Variants in KIF22 observed in about 807,000 individuals in gnomAD.
KIF22 encodes the protein kinesin family member 22.
Under a neutral mutation model 73.0 loss-of-function variants are expected in KIF22, and 62 were observed. That is an observed-to-expected ratio of 0.85 (90% CI 0.69 to 1.05). KIF22 has a LOEUF of 1.05. KIF22 is among the 50% of genes least tolerant of loss of function. KIF22 has a pLI of 0.00. For synonymous variants in KIF22, 411 were observed against 340.1 expected, an observed-to-expected ratio of 1.21 and a Z score of -2.29; for missense variants, 854 against 870.1, an observed-to-expected ratio of 0.98 and a Z score of 0.23.
intron 1 of KIF22, among the ~76,000 whole-genome samples, chr16:29,794,363 C>T (rs1191374806): frequency 6.6e-6 from 1 of 152,170 alleles, no homozygotes; most frequent in Non-Finnish European, 1.5e-5. Flanking sequence ...CATGAATCAC[C>T]TTAATTACTC....
At position 29,803,449 on chromosome 16, in the gene KIF22, A is replaced by C. The variant is rs1181694524; in HGVS notation, c.1450A>C (p.Arg484=). 1.2e-6 allele frequency: 2 copies of C among 1,613,872 alleles called. No individual in the cohort carries two copies. The highest frequency in any genetic ancestry group is 1.7e-6 in the Non-Finnish European group (2 of 1,179,950). The change falls in exon 10 of 14, where the codon AGG becomes CGG. Residue 484 remains arginine (R), a splice_region_variant and synonymous_variant. Coordinates refer to ENST00000160827, the MANE Select transcript of KIF22 (RefSeq NM_007317.3). ...ACATCTCCCTGATCCTTTCCAACAG[A>C]GGCTTAAGACGAAGCAAAAAGAACT... is the stretch of plus-strand genomic sequence containing the variant. ...TVEEKDLEIE[R]LKTKQKELEA...
At chr16:29,799,550 G>C in intron 6 of KIF22, 56 bp downstream of exon 6, 1 of 1,612,052 alleles carries the variant, frequency 6.2e-7, no homozygotes, top group Non-Finnish European at 8.5e-7. Context: ...TCTCAGGCCT[G>C]CTGTGGGGTG....
At chr16:29,794,669 C>A (rs535204296) in intron 1 of KIF22, among the ~76,000 whole-genome samples, 1 of 152,288 alleles carries the variant, frequency 6.6e-6, no homozygotes, top group African/African-American at 2.4e-5. Flanking sequence ...GCAACCTCCA[C>A]TTCCCGCATT....
intron 11 of KIF22, 105 bp from the exon 12 acceptor site, chr16:29,804,709 G>A (rs1484339681): frequency 2.1e-5 from 18 of 875,732 alleles, no homozygotes; most frequent in Non-Finnish European, 3.3e-5. Flanking sequence ...AAGAGAGGAA[G>A]AGGCTGGAGC....
In KIF22 at chr16:29,798,967, T is replaced by G; in HGVS notation, c.550-8T>G. 6.2e-7 allele frequency: 1 copy of G among 1,613,734 alleles called. No homozygotes were observed. Among genetic ancestry groups the G allele is most frequent in the Non-Finnish European group, 8.5e-7 (1 of 1,179,584 alleles). On this transcript the variant is annotated splice_region_variant and splice_polypyrimidine_tract_variant and intron_variant, in intron 4 of 13. Coordinates refer to ENST00000160827, the MANE Select transcript of KIF22 (RefSeq NM_007317.3). The surrounding 1 kb of genome is among the most constrained non-coding windows in gnomAD (Gnocchi z 4.1). Reference sequence around the variant, plus strand: ...GAGAATTGCCCTTCCCCTTCACTGCTTACACAGGTATTAGACCTCCTGGAC... The same window carrying G: ...GAGAATTGCCCTTCCCCTTCACTGCGTACACAGGTATTAGACCTCCTGGAC...
chr16:29,803,367 G>A (rs941847444), intron 9 of KIF22, 82 bp from the exon 10 acceptor site: 2 of 1,545,804 alleles, frequency 1.3e-6, no homozygotes, highest in South Asian at 1.2e-5. Context: ...TCAGAGCCTT[G>A]CATACTCACC....
rs368708864 is a variant in KIF22 at position 29,803,991 on chromosome 16, C to T, written c.1610-7C>T. 16 of 1,612,208 alleles carry T rather than the reference C, an allele frequency of 9.9e-6. No individual in the cohort carries two copies. Among genetic ancestry groups the T allele is most frequent in the Middle Eastern group, 1.7e-4 (1 of 6,060 alleles). On this transcript the variant is annotated splice_region_variant and splice_polypyrimidine_tract_variant and intron_variant, in intron 10 of 13. Coordinates refer to ENST00000160827, the MANE Select transcript of KIF22 (RefSeq NM_007317.3). ...CCCTGACTCCAATTCTCGATTCCTA[C>T]TTTCAGTTCAGGAGCAGGCAGCATC...
At chr16:29,796,286 C>A (rs2432567) in intron 1 of KIF22, among the ~76,000 whole-genome samples, 478 of 33,080 alleles carry the variant, frequency 0.014, 1 homozygote, top group Non-Finnish European at 0.019. Context: ...AAAAAAAAAA[C>A]ACACACACAC....
At chr16:29,792,517 G>A (rs1415165788) in intron 1 of KIF22, 2 of 523,366 alleles carry the variant, frequency 3.8e-6, no homozygotes, top group Admixed American at 6.4e-5. Flanking sequence ...TTAGAAAGGT[G>A]AGCAGGATAA....
intron 8 of KIF22, among the ~76,000 whole-genome samples, chr16:29,802,478 C>T (rs1899175660): frequency 6.6e-6 from 1 of 152,006 alleles, no homozygotes; most frequent in Admixed American, 6.6e-5. Context: ...TCCTGGCTGT[C>T]ACCTTATTAT....
At position 29,799,589 on chromosome 16, in the gene KIF22, T is replaced by G. The variant is rs372911507; in HGVS notation, c.991-39T>G. 128 of 1,613,152 alleles carry G rather than the reference T, an allele frequency of 7.9e-5. 1 individual carries two copies. The East Asian group carries it at 1.0e-3, about 13-fold the overall frequency. ...AATAGCAGTTGAGGCATAGGAAGGC[T>G]GGGCTTCTGACCCACCCACTGCCTG... On this transcript the variant is annotated intron_variant, in intron 6 of 13. Coordinates refer to ENST00000160827, the MANE Select transcript of KIF22 (RefSeq NM_007317.3).
chr16:29,804,319 C>T (rs1363853502), intron 11 of KIF22: 1 of 603,892 alleles, frequency 1.7e-6, no homozygotes, highest in Non-Finnish European at 2.9e-6. Flanking sequence ...CTACCCTCTA[C>T]AAGCTTAAGA....
chr16:29,802,771 C>T lies in KIF22; in HGVS notation c.1283C>T (p.Pro428Leu). 1.9e-6 allele frequency: 3 copies of T among 1,567,524 alleles called. No homozygotes were observed. Among genetic ancestry groups the T allele is most frequent in the Non-Finnish European group, 2.6e-6 (3 of 1,162,230 alleles). The change falls in exon 9 of 14, where the codon CCC (proline) becomes CTC (leucine). Residue 428 changes from proline (P) to leucine (L), a missense_variant and splice_region_variant. Around this residue, in one of 3 missense-constraint regions of KIF22, gnomAD observed 423 missense variants for 365.4 expected, o/e 1.16. Coordinates refer to ENST00000160827, the MANE Select transcript of KIF22 (RefSeq NM_007317.3). ...GAGCAACTTCTTTTTCTGCTCAGCC[C>T]CCTACAGAAGCTAAGCAGCATGGAC... ...APASASQKLS[P>L]LQKLSSMDPA...
chr16:29,802,745 G>C, intron 8 of KIF22, 24 bp from the exon 9 acceptor site: 2 of 1,532,160 alleles, frequency 1.3e-6, no homozygotes, highest in South Asian at 2.5e-5. Flanking sequence ...AGGTAGGTGG[G>C]GAGCAACTTC....
intron 6 of KIF22, 23 bp from the exon 7 acceptor site, chr16:29,799,605 C>T (rs745498132): frequency 1.8e-5 from 29 of 1,613,612 alleles, no homozygotes; most frequent in Non-Finnish European, 2.3e-5. Context: ...TCTGACCCAC[C>T]CACTGCCTGG....
Position 29,805,211 on chromosome 16 carries a change from G to A in KIF22, c.1950+37G>A, listed in dbSNP as rs776664802. On this transcript the variant is annotated intron_variant, in intron 13 of 13. Coordinates refer to ENST00000160827, the MANE Select transcript of KIF22 (RefSeq NM_007317.3). Reference sequence around the variant, plus strand: ...GCCCTGCCCCTCCTCTGCCTGTCCTGCGCCCCGCGCCCCTCTCTAACGTCG... The same window carrying A: ...GCCCTGCCCCTCCTCTGCCTGTCCTACGCCCCGCGCCCCTCTCTAACGTCG... 10 of 1,614,058 alleles carry A rather than the reference G, an allele frequency of 6.2e-6. No individual in the cohort carries two copies. The South Asian group carries it at 9.9e-5, about 16-fold the overall frequency.
Position 29,796,284 on chromosome 16 carries a change from A to AAAAC in KIF22, c.71-608_71-607insAACA, listed in dbSNP as rs1410758267. ...AGACTGTCTCAAAAAAAAAAAAAAAAACACACACACACACACACACAGAAA... is the reference window on the plus strand; with the variant it reads ...AGACTGTCTCAAAAAAAAAAAAAAAAAAACACACACACACACACACACACAGAAA... On this transcript the variant is annotated intron_variant, in intron 1 of 13. Coordinates refer to ENST00000160827, the MANE Select transcript of KIF22 (RefSeq NM_007317.3). Among the ~76,000 whole-genome samples the AAAAC allele has an allele frequency of 1.4e-3, 198 of 146,664 alleles. 2 individuals are homozygous for AAAAC. The highest frequency in any genetic ancestry group is 3.9e-3 in the Admixed American group (58 of 14,684).
At chr16:29,803,759 G>T (rs539072639) in intron 10 of KIF22, 151 bp downstream of exon 10, 7 of 742,124 alleles carry the variant, frequency 9.4e-6, no homozygotes, top group South Asian at 1.8e-5. Flanking sequence ...AGTGCTGGGG[G>T]TGCTCTGCCC....
chr16:29,803,457 G>A lies in KIF22; in HGVS notation c.1458G>A (p.Lys486=), dbSNP rs761847513. ...CTGATCCTTTCCAACAGAGGCTTAA[G>A]ACGAAGCAAAAAGAACTGGAGGCCA... ...EEKDLEIERL[K]TKQKELEAKM... Residue 486 remains lysine, a synonymous_variant, in exon 10 of 14, where the codon AAG becomes AAA. Coordinates refer to ENST00000160827, the MANE Select transcript of KIF22 (RefSeq NM_007317.3). The A allele has an allele frequency of 1.2e-6, 2 of 1,614,156 alleles. No individual in the cohort carries two copies. Among genetic ancestry groups the A allele is most frequent in the South Asian group, 1.1e-5 (1 of 91,070 alleles).
Sources: gnomAD v4.1 joint callset for allele counts (sites outside exome capture counted in the v4.1 genomes callset) on GRCh38, gnomAD v4.1.1 for gene constraint, gnomAD v4.1.1 regional missense constraint, Gnocchi (gnomAD v3.1) non-coding constraint, MANE v1.5 for transcripts, NCBI Gene and HGNC (gene_info 2026-07-23, HGNC 2026-07-21) for gene names.